Variants in ODF2 observed in about 807,000 individuals in gnomAD.
The protein encoded by ODF2 is outer dense fiber of sperm tails 2, also known as outer dense fiber protein 2.
A neutral mutation model predicts 110.2 loss-of-function variants in ODF2; 47 were observed. That is an observed-to-expected ratio of 0.43 (90% confidence interval 0.34 to 0.54). The LOEUF is 0.54. Among genes scored for constraint, ODF2 ranks in the 20% least tolerant of loss-of-function variants. The pLI is 0.03. For synonymous variants in ODF2, 352 were observed against 397.7 expected (o/e 0.89, Z 1.37); for missense variants, 812 against 1,054.5 (o/e 0.77, Z 3.19).
intron 1 of ODF2, chr9:128,456,810 ACT>A (rs1834963880): frequency 1.1e-5 from 14 of 1,300,792 alleles, no homozygotes; most frequent in Non-Finnish European, 1.3e-5. Flanking sequence ...CCTGCTCAGA[ACT>A]CTGTTCGGTT....
chr9:128,485,345 C>T lies in ODF2; in HGVS notation c.1291-20C>T, dbSNP rs1254947111. 2.8e-6 allele frequency: 4 copies of T among 1,416,244 alleles called. No homozygotes were observed. The highest frequency in any genetic ancestry group is 1.7e-5 in the Admixed American group (1 of 57,946). The allele number at this position is 1,416,244 out of a possible 1,614,324, so 87.7% of individuals were successfully genotyped here. Reference sequence around the variant, plus strand: ...ACCACTGACACTAGGCTAACAGGCCCTTTTGTCCCGTGTTCCCAGGATCTT... The same window carrying T: ...ACCACTGACACTAGGCTAACAGGCCTTTTTGTCCCGTGTTCCCAGGATCTT... On this transcript the variant is annotated intron_variant, in intron 12 of 20. Transcript: ENST00000604420. This position sits in a 1 kb window ranked among gnomAD's most constrained non-coding sequence, Gnocchi z 5.0.
intron 5 of ODF2, 131 bp from the exon 6 acceptor site, chr9:128,471,177 G>C: frequency 1.1e-6 from 1 of 881,702 alleles, no homozygotes; most frequent in Non-Finnish European, 1.7e-6. Context: ...GCCTCCCAAA[G>C]TGCTGGGATT....
Position 128,465,337 on chromosome 9 carries a change from G to A in ODF2, c.250-3846G>A, listed in dbSNP as rs1163883149. 3.3e-5 allele frequency among the ~76,000 whole-genome samples: 5 copies of A among 152,342 alleles called. No individual in the cohort carries two copies. In the South Asian group the frequency reaches 6.2e-4, roughly 19 times the overall value. On this transcript the variant is annotated intron_variant, in intron 4 of 20. Coordinates refer to ENST00000604420, the Ensembl canonical transcript of ODF2. Reference sequence around the variant, plus strand: ...AGTTTGAGGAAGATATGGAAATGAAGACCAAAAGCTGCTGTATGCATGTGG... The same window carrying A: ...AGTTTGAGGAAGATATGGAAATGAAAACCAAAAGCTGCTGTATGCATGTGG...
chr9:128,457,388 C>T (rs376543331), exon 2 of ODF2: 11 of 1,613,076 alleles, frequency 6.8e-6, no homozygotes, highest in Non-Finnish European at 9.3e-6. Flanking sequence ...CCCACCTTTG[C>T]GGCTTTGATG....
intron 9 of ODF2, among the ~76,000 whole-genome samples, chr9:128,482,555 T>C (rs1261009800): frequency 1.3e-5 from 2 of 152,166 alleles, no homozygotes; most frequent in Non-Finnish European, 2.9e-5. Flanking sequence ...CGGGGTTTCT[T>C]TGGAGGATTT....
At chr9:128,486,048 CAT>C (rs1421657907) in intron 13 of ODF2, among the ~76,000 whole-genome samples, 1 of 152,072 alleles carries the variant, frequency 6.6e-6, no homozygotes, top group African/African-American at 2.4e-5. Context: ...ATTGGAAAAA[CAT>C]ATATTGAGCA....
At chr9:128,473,144 C>T in intron 7 of ODF2, 102 bp downstream of exon 7, 3 of 1,543,030 alleles carry the variant, frequency 1.9e-6, no homozygotes, top group Non-Finnish European at 2.6e-6. Context: ...GACTTTATGA[C>T]ATCTTCAGGC....
At chr9:128,481,604 C>A in exon 9 of ODF2, 1 of 1,613,818 alleles carries the variant, frequency 6.2e-7, no homozygotes, top group South Asian at 1.1e-5. Context: ...AATGGAGCAA[C>A]AAGGAGCACT....
At chr9:128,486,263 C>G (rs1843335442) in intron 13 of ODF2, among the ~76,000 whole-genome samples, 1 of 152,162 alleles carries the variant, frequency 6.6e-6, no homozygotes, top group South Asian at 2.1e-4. Flanking sequence ...ACTTAGCAAA[C>G]ATGTTCTGAG....
At chr9:128,480,728 A>T (rs1338884507) in intron 8 of ODF2, among the ~76,000 whole-genome samples, 1 of 152,160 alleles carries the variant, frequency 6.6e-6, no homozygotes, top group Non-Finnish European at 1.5e-5. Context: ...GAGGCAGGAG[A>T]ATCGCTTGAA....
chr9:128,484,397 T>C (rs1237755691), intron 11 of ODF2, among the ~76,000 whole-genome samples: 1 of 152,070 alleles, frequency 6.6e-6, no homozygotes, highest in African/African-American at 2.4e-5. Context: ...CTCTGCTGAG[T>C]GACCAAGGAA....
In ODF2 at chr9:128,496,784, G is replaced by T. The variant is rs547122714; in HGVS notation, c.2012+643G>T. ...ACTCTGTCACCCAGGCTGGAGTGCA[G>T]TGGTGCAATCTCAGCTCACTGCAAC... On this transcript the variant is annotated intron_variant, in intron 18 of 20. Coordinates refer to ENST00000604420, the Ensembl canonical transcript of ODF2. Among the ~76,000 whole-genome samples, 12 of 152,304 alleles carry T rather than the reference G, an allele frequency of 7.9e-5. 1 individual carries two copies. The highest frequency in any genetic ancestry group is 2.2e-4 in the African/African-American group (9 of 41,568).
chr9:128,484,737 G>C (rs1257634011), exon 12 of ODF2: 2 of 1,594,382 alleles, frequency 1.3e-6, no homozygotes, highest in Non-Finnish European at 1.7e-6. Context: ...TAAGGCAGAA[G>C]TGGAGGCCAT....
rs543268927 is a variant in ODF2 at position 128,496,226 on chromosome 9, A to G, written c.2012+85A>G. 5.7e-5 allele frequency: 91 copies of G among 1,592,718 alleles called. No individual in the cohort carries two copies. In the East Asian group the frequency reaches 1.9e-3, roughly 34 times the overall value. On this transcript the variant is annotated intron_variant, in intron 18 of 20. Coordinates refer to ENST00000604420, the Ensembl canonical transcript of ODF2. The stretch of plus-strand genomic sequence containing the variant: ...TAGCTGTTTTTTGCTTAGTGTGCGG[A>G]AGTGTTGAGGGACTCGAGGCCCTGG...
intron 14 of ODF2, 78 bp from the exon 15 acceptor site, chr9:128,492,348 C>A: frequency 2.0e-6 from 2 of 981,388 alleles, no homozygotes; most frequent in Non-Finnish European, 3.3e-6. Context: ...TTTTCTGGTT[C>A]TTTGGATAGA....
At chr9:128,477,791 G>A (rs573272894) in intron 8 of ODF2, among the ~76,000 whole-genome samples, 7 of 151,296 alleles carry the variant, frequency 4.6e-5, no homozygotes, top group Non-Finnish European at 8.8e-5. Context: ...TTGAGACGGG[G>A]TTTCACCATG....
intron 18 of ODF2, 101 bp from the exon 19 acceptor site, chr9:128,498,312 A>C: frequency 7.2e-7 from 1 of 1,398,444 alleles, no homozygotes; most frequent in Non-Finnish European, 9.3e-7. Context: ...GATTCTTGGC[A>C]TGATGAGATC....
Position 128,494,367 on chromosome 9 carries a change from T to C in ODF2, c.1753-143T>C. ...CAGCGGGGAGTGTAGGCCACACTTC[T>C]GCTGTGGATTTTGCAGGATCCTCCA... On this transcript the variant is annotated intron_variant, in intron 16 of 20. Coordinates refer to ENST00000604420, the Ensembl canonical transcript of ODF2. This position sits in a 1 kb window ranked among gnomAD's most constrained non-coding sequence, Gnocchi z 4.6. The C allele has an allele frequency of 1.5e-6, 1 of 689,170 alleles. No homozygotes were observed. Among genetic ancestry groups the C allele is most frequent in the South Asian group, 1.9e-5 (1 of 53,216 alleles). The allele number at this position is 689,170 out of a possible 1,614,324, so 42.7% of individuals were successfully genotyped here.
chr9:128,457,276 C>A, exon 2 of ODF2: 1 of 1,602,686 alleles, frequency 6.2e-7, no homozygotes, highest in South Asian at 1.1e-5. Context: ...AGCTTCCACC[C>A]TTCTCCCCTC....
Sources: gnomAD v4.1 joint callset for allele counts (sites outside exome capture counted in the v4.1 genomes callset) on GRCh38, gnomAD v4.1.1 for gene constraint, Gnocchi (gnomAD v3.1) non-coding constraint, MANE v1.5 for transcripts, NCBI Gene and HGNC (gene_info 2026-07-23, HGNC 2026-07-21) for gene names.